Variants in CLBA1 observed in about 807,000 individuals in gnomAD.
CLBA1 encodes uncharacterized protein CLBA1.
Under a neutral mutation model 28.8 loss-of-function variants are expected in CLBA1, and 30 were observed. The ratio of observed to expected loss-of-function variants is 1.04; its 90% CI spans 0.78 to 1.41. The LOEUF is 1.41. Among genes scored for constraint, CLBA1 ranks in the 40% most tolerant of loss-of-function variants. CLBA1 has a pLI of 0.00. For missense variants in CLBA1, 451 were observed against 412.3 expected (o/e 1.09, Z -0.81); for synonymous variants, 160 against 152.8 (o/e 1.05, Z -0.35).
chr14:104,997,880 A>G (rs1222562639), downstream of CLBA1, among the ~76,000 whole-genome samples: 2 of 151,992 alleles, frequency 1.3e-5, no homozygotes, highest in African/African-American at 4.8e-5. Context: ...GTGGTGGCGC[A>G]TGCCTGTAAT....
chr14:104,989,005 A>T lies in CLBA1; in HGVS notation c.486A>T (p.Ala162=). The change falls in exon 2 of 5, where the codon GCA becomes GCT. Residue 162 remains alanine, a synonymous_variant. Coordinates refer to ENST00000547315, the MANE Select transcript of CLBA1 (RefSeq NM_174891.4). The stretch of plus-strand genomic sequence containing the variant: ...TTCAAGAAATAACAGTCCAGCAGGC[A>T]GCTGAAGACGTTTCCACCATAGACC... The part of the protein sequence containing the change: ...CAFQEITVQQ[A]AEDVSTIDHF... The T allele has an allele frequency of 6.2e-7, 1 of 1,613,202 alleles. No homozygotes were observed. Among genetic ancestry groups the T allele is most frequent in the Middle Eastern group, 1.7e-4 (1 of 6,058 alleles).
rs1431820123 is a variant in CLBA1 at position 104,986,583 on chromosome 14, AAGC to A, written c.153_155del (p.Lys51_Ala52delinsAsn). 17 of 1,613,876 alleles carry A rather than the reference AAGC, an allele frequency of 1.1e-5. No homozygotes were observed. Among genetic ancestry groups the A allele is most frequent in the Non-Finnish European group, 1.4e-5 (17 of 1,180,024 alleles). On this transcript the variant is annotated inframe_deletion, in exon 1 of 5. Coordinates refer to ENST00000547315, the MANE Select transcript of CLBA1 (RefSeq NM_174891.4). The stretch of plus-strand genomic sequence containing the variant: ...CCCGACCTTCTCCTGTCCGATGGGA[AAGC>A]CAGCATCTCCATGCCCCGTGAGGGC...
At chr14:104,999,421 C>T (rs1428413792), downstream of CLBA1, 3 of 167,838 alleles carry the variant, frequency 1.8e-5, no homozygotes, top group Non-Finnish European at 3.6e-5. Flanking sequence ...GAAATGTCTG[C>T]AGTGATCCCA....
chr14:104,996,004 G>T (rs368124131), downstream of CLBA1, among the ~76,000 whole-genome samples: 9 of 152,296 alleles, frequency 5.9e-5, no homozygotes, highest in African/African-American at 2.2e-4. Context: ...ACCTTTAAAA[G>T]TTAGACTTTA....
At chr14:104,991,858 T>C (rs1039603428) in intron 3 of CLBA1, among the ~76,000 whole-genome samples, 2 of 152,184 alleles carry the variant, frequency 1.3e-5, no homozygotes, top group African/African-American at 2.4e-5. Context: ...GGAACGGGCC[T>C]GAGCCTGCAG....
At position 104,986,455 on chromosome 14, in the gene CLBA1, G is replaced by A. The variant is rs1595440644; in HGVS notation, c.24G>A (p.Gly8=). The A allele has an allele frequency of 1.9e-6, 3 of 1,612,934 alleles. 1 individual carries two copies. In the Middle Eastern group the frequency reaches 4.9e-4, roughly 266 times the overall value. Residue 8 remains glycine, a synonymous_variant, in exon 1 of 5, where the codon GGG becomes GGA. Transcript: ENST00000547315. ...AGATGCAAGGCCGGCGGGAGCTGGG[G>A]GGAGAGCCTTTGAGTGACCTCCAGG... MQGRREL[G]GEPLSDLQEE... is the part of the protein sequence containing the mutation.
chr14:104,988,866 A>G (rs1488668565), intron 1 of CLBA1, 77 bp from the exon 2 acceptor site: 39 of 1,381,006 alleles, frequency 2.8e-5, no homozygotes, highest in South Asian at 1.9e-4. Context: ...TTCTATCACA[A>G]TTATTTCTTT....
chr14:104,992,203 A>ACGC (rs1900053340), intron 3 of CLBA1, among the ~76,000 whole-genome samples: 2 of 140,704 alleles, frequency 1.4e-5, no homozygotes, highest in African/African-American at 5.4e-5. Flanking sequence ...CACCACTCAC[A>ACGC]CGCCACCACT....
At chr14:104,996,097 G>A (rs977460316), downstream of CLBA1, among the ~76,000 whole-genome samples, 8 of 152,176 alleles carry the variant, frequency 5.3e-5, no homozygotes, top group Non-Finnish European at 8.8e-5. Flanking sequence ...GTCACCCATG[G>A]TGGCCCTTGC....
Position 104,986,549 on chromosome 14 carries a change from C to T in CLBA1, c.118C>T (p.Arg40Trp), listed in dbSNP as rs201210390. Residue 40 changes from arginine to tryptophan, a missense_variant, in exon 1 of 5, where the codon CGG becomes TGG. Transcript: ENST00000547315. ...RLSDDSLEWR[R>W]TCPDLLLSDG... ...GAGTGATGACAGTTTGGAATGGAGA[C>T]GGACCTGCCCCGACCTTCTCCTGTC... 3.6e-5 allele frequency: 58 copies of T among 1,613,888 alleles called. No individual in the cohort carries two copies. The African/African-American group carries it at 5.2e-4, about 14-fold the overall frequency.
At position 104,985,954 on chromosome 14, in the gene CLBA1, T is replaced by C. The variant is rs1866828; in HGVS notation, c.-478T>C. The C allele has an allele frequency of 0.058, 12,077 of 209,160 alleles. 1,612 individuals are homozygous for C. The highest frequency in any genetic ancestry group is 0.28 in the African/African-American group (11,392 of 41,110). 13.0% of individuals were successfully genotyped at this position (209,160 alleles called of 1,614,324 possible). ...CTCGGGCCCTGTCCAGGCCCAGGCG[T>C]TCCAGGGCTGCTCTGCGGGCCGCGT... is the stretch of plus-strand genomic sequence containing the variant. On this transcript the variant is annotated 5_prime_UTR_variant, in exon 1 of 5. Transcript: ENST00000547315.
chr14:104,996,690 T>A (rs980218124), downstream of CLBA1, among the ~76,000 whole-genome samples: 5 of 152,246 alleles, frequency 3.3e-5, no homozygotes, highest in Admixed American at 3.3e-4. Context: ...GCAGTCCGGC[T>A]GAAGAACGGA....
chr14:104,996,901 A>G (rs1223814550), downstream of CLBA1, among the ~76,000 whole-genome samples: 4 of 152,244 alleles, frequency 2.6e-5, no homozygotes, highest in Admixed American at 6.5e-5. Context: ...CACTCTGGCA[A>G]CCTCACAGTG....
chr14:104,990,234 G>A (rs187512794), intron 2 of CLBA1: 1 of 160,828 alleles, frequency 6.2e-6, no homozygotes, highest in Admixed American at 5.8e-5. Context: ...GGGACAGAAG[G>A]CTGGATGGTA....
At chr14:104,989,544 C>T in intron 2 of CLBA1, 1 of 455,190 alleles carries the variant, frequency 2.2e-6, no homozygotes, top group East Asian at 6.9e-5. Context: ...CAGGCCCAGC[C>T]CCAGGGGTGC....
At chr14:104,986,986 G>A in intron 1 of CLBA1, 132 bp downstream of exon 1, 1 of 1,096,716 alleles carries the variant, frequency 9.1e-7, no homozygotes, top group Admixed American at 2.6e-5. Context: ...TTCTCTCCTG[G>A]CCTTCGTCCC....
chr14:104,992,204 CGCCACCACTCACAT>C (rs1485400526), intron 3 of CLBA1, among the ~76,000 whole-genome samples: 17 of 149,028 alleles, frequency 1.1e-4, no homozygotes, highest in African/African-American at 2.2e-4. Context: ...ACCACTCACA[CGCCACCACTCACAT>C]GCCGCCACGC....
At chr14:104,992,115 G>A (rs1444344306) in intron 3 of CLBA1, among the ~76,000 whole-genome samples, 2 of 135,908 alleles carry the variant, frequency 1.5e-5, no homozygotes, top group African/African-American at 5.8e-5. Flanking sequence ...ATGCCGCCAT[G>A]CACACGCCAC....
In CLBA1 at chr14:104,986,591, A is replaced by G. The variant is rs909919441; in HGVS notation, c.160A>G (p.Ile54Val). The G allele has an allele frequency of 3.7e-6, 6 of 1,613,928 alleles. No individual in the cohort carries two copies. The highest frequency in any genetic ancestry group is 2.7e-5 in the African/African-American group (2 of 74,918). Residue 54 changes from isoleucine to valine, a missense_variant, in exon 1 of 5, where the codon ATC becomes GTC. Coordinates refer to ENST00000547315, the MANE Select transcript of CLBA1 (RefSeq NM_174891.4). ...DLLLSDGKASISMPREGGSTC... is the reference protein window; with the variant it reads ...DLLLSDGKASVSMPREGGSTC... ...TCTCCTGTCCGATGGGAAAGCCAGCATCTCCATGCCCCGTGAGGGCGGTTC... is the reference window on the plus strand; with the variant it reads ...TCTCCTGTCCGATGGGAAAGCCAGCGTCTCCATGCCCCGTGAGGGCGGTTC...
Sources: allele counts gnomAD v4.1 joint callset (sites outside exome capture counted in the v4.1 genomes callset), GRCh38; gene constraint gnomAD v4.1.1; transcripts MANE v1.5; gene names NCBI Gene and HGNC (gene_info 2026-07-23, HGNC 2026-07-21).